Variants in AP5Z1 observed in about 807,000 individuals in gnomAD.
AP5Z1 encodes adaptor related protein complex 5 subunit zeta 1, also known as AP-5 complex subunit zeta-1.
A neutral mutation model predicts 83.0 loss-of-function variants in AP5Z1; 106 were observed. The ratio of observed to expected loss-of-function variants is 1.28; its 90% CI spans 1.09 to 1.50. The LOEUF is 1.50. AP5Z1 is among the 40% of genes most tolerant of loss of function. AP5Z1 has a pLI of 0.00. For missense variants in AP5Z1, 1,565 were observed against 1,094.2 expected (o/e 1.43, Z -6.07); for synonymous variants, 751 against 514.1 (o/e 1.46, Z -6.23).
intron 3 of AP5Z1, among the ~76,000 whole-genome samples, chr7:4,782,473 G>C (rs150860018): frequency 1.3e-5 from 2 of 152,186 alleles, no homozygotes; most frequent in East Asian, 3.9e-4. Flanking sequence ...GGAAGGTTGC[G>C]ATGGAGCTGG....
At chr7:4,779,246 CAT>C (rs1300317218) in intron 1 of AP5Z1, among the ~76,000 whole-genome samples, 171 of 145,798 alleles carry the variant, frequency 1.2e-3, no homozygotes, top group African/African-American at 4.0e-3. Flanking sequence ...ACATATATAA[CAT>C]TAGAAATAAT....
intron 11 of AP5Z1, 145 bp from the exon 12 acceptor site, chr7:4,788,009 C>G (rs946943545): frequency 2.1e-5 from 28 of 1,327,686 alleles, no homozygotes; most frequent in Non-Finnish European, 2.8e-5. Context: ...TCTTCACGCC[C>G]AGGCCTGGAG....
At chr7:4,788,029 C>A in intron 11 of AP5Z1, 125 bp from the exon 12 acceptor site, 1 of 1,397,488 alleles carries the variant, frequency 7.2e-7, no homozygotes, top group Non-Finnish European at 9.4e-7. Context: ...GCCTCCCATG[C>A]CAAGCCCTTC....
At position 4,787,573 on chromosome 7, in the gene AP5Z1, T is replaced by C. The variant is rs1042678707; in HGVS notation, c.1312-61T>C. The C allele has an allele frequency of 1.3e-4, 203 of 1,516,500 alleles. 1 individual carries two copies. The highest frequency in any genetic ancestry group is 1.4e-4 in the Admixed American group (7 of 50,072). 93.9% of individuals were successfully genotyped at this position (1,516,500 alleles called of 1,614,324 possible). A position where few individuals can be genotyped will look rare whatever the true frequency, so the allele number is the denominator to read the frequency against. On this transcript the variant is annotated intron_variant, in intron 10 of 16. Coordinates refer to ENST00000649063, the MANE Select transcript of AP5Z1 (RefSeq NM_014855.3). The stretch of plus-strand genomic sequence containing the variant: ...CAGCTGTGGGGCCCTAGCTGGCTCC[T>C]CCCTCTGCCGCCTGCTCCACAGCTC...
rs567668830 is a variant in AP5Z1 at position 4,790,825 on chromosome 7, G to A, written c.2091G>A (p.Val697=). 6.2e-6 allele frequency: 10 copies of A among 1,609,224 alleles called. No individual in the cohort carries two copies. The highest frequency in any genetic ancestry group is 1.7e-5 in the Admixed American group (1 of 59,630). ...CCCTGCCCAGGTGTCCCCCCCAGGT[G>A]GTCACCGTGCTGATGACCACGCTGA... The part of the protein sequence containing the change: ...SAALPRCPPQ[V]VTVLMTTLTK... The change falls in exon 16 of 17, where the codon GTG becomes GTA. Residue 697 remains valine (V), a synonymous_variant. Coordinates refer to ENST00000649063, the MANE Select transcript of AP5Z1 (RefSeq NM_014855.3).
At chr7:4,776,920 C>G (rs1781244796) in intron 1 of AP5Z1, among the ~76,000 whole-genome samples, 2 of 152,048 alleles carry the variant, frequency 1.3e-5, no homozygotes, top group Admixed American at 1.3e-4. Flanking sequence ...GACTCCATGT[C>G]AAAACAAACA....
In AP5Z1 at chr7:4,792,313, C is replaced by T. The variant is rs964655168; in HGVS notation, c.*928C>T. On this transcript the variant is annotated 3_prime_UTR_variant, in exon 17 of 17. Transcript: ENST00000649063. ...CCCCCAGGCTCAAACTCTTCCCCCT[C>T]CCCACTCTGGCTCCGCCCCCGGTCT... is the stretch of plus-strand genomic sequence containing the variant. 5.3e-5 allele frequency: 8 copies of T among 152,238 alleles called. No homozygotes were observed. Among genetic ancestry groups the T allele is most frequent in the African/African-American group, 1.4e-4 (6 of 41,542 alleles). The allele number at this position is 152,238 out of a possible 1,614,324, so 9.4% of individuals were successfully genotyped here.
chr7:4,775,888 G>A, intron 1 of AP5Z1, 132 bp downstream of exon 1: 1 of 1,344,140 alleles, frequency 7.4e-7, no homozygotes, highest in Non-Finnish European at 1.0e-6. Flanking sequence ...TCGAGACTTG[G>A]GGATCGGGTA....
Position 4,775,773 on chromosome 7 carries a change from GC to G in AP5Z1, c.41+21del. ...CCAGGCCAGGTACGGGGGAGCTGCG[GC>G]CCCGGCCCTCCTTCCTGCATCTCTC... On this transcript the variant is annotated intron_variant, in intron 1 of 16. Coordinates refer to ENST00000649063, the MANE Select transcript of AP5Z1 (RefSeq NM_014855.3). 1 of 1,601,952 alleles carries G rather than the reference GC, an allele frequency of 6.2e-7. No individual in the cohort carries two copies.
intron 6 of AP5Z1, 90 bp downstream of exon 6, chr7:4,784,461 G>A: frequency 1.4e-6 from 2 of 1,430,992 alleles, no homozygotes; most frequent in Non-Finnish European, 1.9e-6. Flanking sequence ...GAGGTGGGGG[G>A]ACTCGGGTGT....
At position 4,791,550 on chromosome 7, in the gene AP5Z1, G is replaced by A. The variant is rs1353518838; in HGVS notation, c.*165G>A. 3.8e-6 allele frequency: 4 copies of A among 1,041,526 alleles called. No individual in the cohort carries two copies. The highest frequency in any genetic ancestry group is 5.5e-6 in the Non-Finnish European group (4 of 733,630). 64.5% of individuals were successfully genotyped at this position (1,041,526 alleles called of 1,614,324 possible). A position where few individuals can be genotyped will look rare whatever the true frequency, so the allele number is the denominator to read the frequency against. ...ACAGACACGCGGGGCTGGCCCCCCT[G>A]CTCACCCTCTGGGCTTTGTCTCCGA... On this transcript the variant is annotated 3_prime_UTR_variant, in exon 17 of 17. Coordinates refer to ENST00000649063, the MANE Select transcript of AP5Z1 (RefSeq NM_014855.3).
At chr7:4,789,281 C>T (rs997263297) in intron 13 of AP5Z1, among the ~76,000 whole-genome samples, 4 of 152,138 alleles carry the variant, frequency 2.6e-5, no homozygotes, top group Non-Finnish European at 4.4e-5. Flanking sequence ...CCAACTGCCC[C>T]AGCAGGCCCT....
chr7:4,781,053 T>C, intron 1 of AP5Z1, 122 bp from the exon 2 acceptor site: 1 of 1,286,906 alleles, frequency 7.8e-7, no homozygotes. Flanking sequence ...CGTGGAACCG[T>C]GTTCCTCCAC....
chr7:4,783,204 C>G, intron 3 of AP5Z1, 112 bp from the exon 4 acceptor site: 4 of 1,435,234 alleles, frequency 2.8e-6, no homozygotes, highest in Non-Finnish European at 3.7e-6. Context: ...ACCTGCTAGG[C>G]CGGGGTCTCA....
chr7:4,784,506 G>A (rs910693294), intron 6 of AP5Z1, 135 bp downstream of exon 6: 16 of 1,103,282 alleles, frequency 1.5e-5, no homozygotes, highest in Admixed American at 5.4e-5. Context: ...ACTGAGCAAC[G>A]CAGCCTGCTG....
In AP5Z1 at chr7:4,785,472, G is replaced by A; in HGVS notation, c.969+20G>A. ...AAAGCTGTAAGTGGCTGGGGACCAG[G>A]GGATGGGAGGCAGCGACTCGGCCCA... On this transcript the variant is annotated intron_variant, in intron 8 of 16. Transcript: ENST00000649063. The A allele has an allele frequency of 6.2e-7, 1 of 1,613,040 alleles. No individual in the cohort carries two copies. The highest frequency in any genetic ancestry group is 8.5e-7 in the Non-Finnish European group (1 of 1,179,350).
Position 4,794,118 on chromosome 7 carries a change from T to C in AP5Z1, c.*2733T>C, listed in dbSNP as rs999174450. The C allele has an allele frequency of 2.6e-5, 4 of 152,354 alleles. No homozygotes were observed. The allele number at this position is 152,354 out of a possible 1,614,324, so 9.4% of individuals were successfully genotyped here. ...CAATAGACACTCTGTATCTAGCTAC[T>C]CTGGTGGGGACTTGGAAAACCTTTT... is the stretch of plus-strand genomic sequence containing the variant. On this transcript the variant is annotated 3_prime_UTR_variant, in exon 17 of 17. Coordinates refer to ENST00000649063, the MANE Select transcript of AP5Z1 (RefSeq NM_014855.3).
At chr7:4,787,485 CA>C in intron 10 of AP5Z1, 148 bp from the exon 11 acceptor site, 14 of 1,233,962 alleles carry the variant, frequency 1.1e-5, no homozygotes, top group East Asian at 2.6e-5. Flanking sequence ...GACCCTGTCT[CA>C]AAAAAATAAA....
rs913448357 is a variant in AP5Z1 at position 4,791,541 on chromosome 7, G to C, written c.*156G>C. On this transcript the variant is annotated 3_prime_UTR_variant, in exon 17 of 17. Coordinates refer to ENST00000649063, the MANE Select transcript of AP5Z1 (RefSeq NM_014855.3). Reference sequence around the variant, plus strand: ...GGCACCCTCACAGACACGCGGGGCTGGCCCCCCTGCTCACCCTCTGGGCTT... The same window carrying C: ...GGCACCCTCACAGACACGCGGGGCTCGCCCCCCTGCTCACCCTCTGGGCTT... 18 of 1,127,210 alleles carry C rather than the reference G, an allele frequency of 1.6e-5. No homozygotes were observed. In the African/African-American group the frequency reaches 2.9e-4, roughly 18 times the overall value. 69.8% of individuals were successfully genotyped at this position (1,127,210 alleles called of 1,614,324 possible). A position where few individuals can be genotyped will look rare whatever the true frequency, so the allele number is the denominator to read the frequency against.
Sources: allele counts gnomAD v4.1 joint callset (sites outside exome capture counted in the v4.1 genomes callset), GRCh38; gene constraint gnomAD v4.1.1; transcripts MANE v1.5; gene names NCBI Gene and HGNC (gene_info 2026-07-23, HGNC 2026-07-21).